SPATA13: variants seen among roughly 807,000 people sequenced by gnomAD.
SPATA13 encodes the protein spermatogenesis-associated protein 13.
Under a neutral mutation model 104.0 loss-of-function variants are expected in SPATA13, and 50 were observed. That is an observed-to-expected ratio of 0.48 (90% CI 0.38 to 0.61). SPATA13 has a LOEUF of 0.61. Ranked by LOEUF, SPATA13 falls within the 20% of genes least tolerant of loss-of-function variation. The pLI is 0.00. For synonymous variants in SPATA13, 606 were observed against 667.5 expected, an observed-to-expected ratio of 0.91 and a Z score of 1.42; for missense variants, 1,524 against 1,690.6, an observed-to-expected ratio of 0.90 and a Z score of 1.73.
intron 5 of SPATA13, 74 bp downstream of exon 5, chr13:24,284,345 G>T: frequency 1.4e-6 from 2 of 1,471,256 alleles, no homozygotes; most frequent in Non-Finnish European, 1.8e-6. Context: ...TTCTGACTTT[G>T]TTCCCTAGTT....
chr13:24,127,614 T>C (rs1274411005), intron 3 of SPATA13, among the ~76,000 whole-genome samples: 1 of 152,220 alleles, frequency 6.6e-6, no homozygotes, highest in East Asian at 1.9e-4. Context: ...GTTTAGAGCC[T>C]TCCAGCCCAT....
At chr13:24,159,028 C>A (rs1322462511), upstream of SPATA13, among the ~76,000 whole-genome samples, 1 of 152,142 alleles carries the variant, frequency 6.6e-6, no homozygotes, top group African/African-American at 2.4e-5. Context: ...GCAGAAATAA[C>A]CTTTTGAAAC....
At chr13:24,181,289 T>C (rs1170055858) in intron 1 of SPATA13, among the ~76,000 whole-genome samples, 1 of 152,126 alleles carries the variant, frequency 6.6e-6, no homozygotes, top group Non-Finnish European at 1.5e-5. Flanking sequence ...AAGCAAGCAC[T>C]CTAAATTTAT....
intron 1 of SPATA13, among the ~76,000 whole-genome samples, chr13:24,188,879 A>C (rs1198458345): frequency 6.6e-6 from 1 of 152,166 alleles, no homozygotes; most frequent in Non-Finnish European, 1.5e-5. Context: ...CTCATTTACC[A>C]TTCTGAAAAT....
At chr13:24,293,582 G>C (rs1025112172) in intron 9 of SPATA13, among the ~76,000 whole-genome samples, 1 of 152,072 alleles carries the variant, frequency 6.6e-6, no homozygotes, top group Admixed American at 6.5e-5. Flanking sequence ...CCATTTCCTT[G>C]TCTTAAGTAA....
In SPATA13 at chr13:24,297,367, T is replaced by C. The variant is rs142231073; in HGVS notation, c.3215T>C (p.Leu1072Pro). ...WQVSIVGWEGLDILDRSSELI... is the reference protein window; with the variant it reads ...WQVSIVGWEGPDILDRSSELI... ...GATGTGTTTTCATCCTTCCAGGGAC[T>C]GGATATCTTAGACCGAAGCTCAGAA... Residue 1072 changes from leucine to proline, a missense_variant, in exon 11 of 13, where the codon CTG becomes CCG. Coordinates refer to ENST00000382108, the MANE Select transcript of SPATA13 (RefSeq NM_001166271.3). 5.7e-4 allele frequency: 912 copies of C among 1,606,592 alleles called. 1 individual carries two copies. Among genetic ancestry groups the C allele is most frequent in the Non-Finnish European group, 7.2e-4 (846 of 1,175,458 alleles).
chr13:24,139,795 C>T lies in SPATA13; in HGVS notation c.-111-83024C>T, dbSNP rs201633780. On this transcript the variant is annotated intron_variant, in intron 3 of 14. Coordinates refer to the SPATA13 transcript ENST00000424834. Reference sequence around the variant, plus strand: ...AAATCTGTAACATGCAGGCCGGGCGCGGTGGCTCACGTCTGTAATCCCAGC... The same window carrying T: ...AAATCTGTAACATGCAGGCCGGGCGTGGTGGCTCACGTCTGTAATCCCAGC... 6.0e-4 allele frequency among the ~76,000 whole-genome samples: 92 copies of T among 152,248 alleles called. 4 individuals are homozygous for T. Among genetic ancestry groups the T allele is most frequent in the Admixed American group, 3.1e-3 (48 of 15,284 alleles).
intron 4 of SPATA13, among the ~76,000 whole-genome samples, chr13:24,263,217 T>C (rs1874142696): frequency 6.6e-6 from 1 of 152,200 alleles, no homozygotes; most frequent in African/African-American, 2.4e-5. Context: ...CTCAAATCGA[T>C]TTTCAAATAT....
At chr13:24,042,167 T>G (rs9551044) in intron 3 of SPATA13, among the ~76,000 whole-genome samples, 144,559 of 152,112 alleles carry the variant, frequency 0.95, 69,005 homozygotes, top group Non-Finnish European at 1. Flanking sequence ...GACCACCTAG[T>G]GTGGGTTGTG....
At chr13:24,033,758 G>A (rs1045346183) in intron 3 of SPATA13, 5 of 152,200 alleles carry the variant, frequency 3.3e-5, no homozygotes, top group East Asian at 1.9e-4. Flanking sequence ...GTGTCCCTCC[G>A]TCATGTGACA....
rs77936980 is a variant in SPATA13, at chr13:24,235,330, C to T, written c.1653+10748C>T. 6.6e-3 allele frequency among the ~76,000 whole-genome samples: 1,010 copies of T among 152,308 alleles called. 5 individuals are homozygous for T. Among genetic ancestry groups the T allele is most frequent in the Middle Eastern group, 0.017 (5 of 294 alleles). On this transcript the variant is annotated intron_variant, in intron 2 of 12. Transcript: ENST00000382108. ...TTTTGTCAATGCAAACTTTGAGATT[C>T]GCTGTCCAGGCTGAGGCTCCTCTAG...
intron 3 of SPATA13, among the ~76,000 whole-genome samples, chr13:24,141,435 C>G (rs1184119372): frequency 6.6e-6 from 1 of 152,142 alleles, no homozygotes; most frequent in Non-Finnish European, 1.5e-5. Flanking sequence ...CTGCCTTTTC[C>G]TGCTTCCCTC....
intron 1 of SPATA13, among the ~76,000 whole-genome samples, chr13:24,175,485 G>A (rs2138513830): frequency 6.6e-6 from 1 of 152,266 alleles, no homozygotes; most frequent in South Asian, 2.1e-4. Flanking sequence ...AAACTCTGAA[G>A]AAAACCCAGC....
rs767022049 is a variant in SPATA13, at chr13:24,251,795, A to G, written c.2097A>G (p.Thr699=). ...KAVSARFRPF[T]FSQSTPIGLD... ...TGTCGGCCCGGTTCCGGCCCTTCAC[A>G]TTCTCCCAGAGCACCCCCATTGGGT... Residue 699 remains threonine, a synonymous_variant, in exon 4 of 13, where the codon ACA becomes ACG. Transcript: ENST00000382108. The G allele has an allele frequency of 6.2e-6, 10 of 1,613,828 alleles. No homozygotes were observed. Among genetic ancestry groups the G allele is most frequent in the Middle Eastern group, 1.6e-4 (1 of 6,084 alleles).
chr13:24,030,527 C>T (rs2137714948), intron 3 of SPATA13, among the ~76,000 whole-genome samples: 1 of 152,218 alleles, frequency 6.6e-6, no homozygotes, highest in South Asian at 2.1e-4. Context: ...TAATCTCCTG[C>T]CCACCCATGT....
At chr13:24,141,572 T>C (rs986890761) in intron 3 of SPATA13, among the ~76,000 whole-genome samples, 7 of 152,162 alleles carry the variant, frequency 4.6e-5, no homozygotes, top group African/African-American at 1.7e-4. Context: ...TTATAGAGCT[T>C]ATCCAGATAA....
At chr13:24,068,325 C>T (rs1001181617) in intron 3 of SPATA13, among the ~76,000 whole-genome samples, 1 of 152,086 alleles carries the variant, frequency 6.6e-6, no homozygotes, top group African/African-American at 2.4e-5. Flanking sequence ...TGATCTTGTT[C>T]TTTTTTGTGG....
chr13:24,062,240 G>A (rs1277871501), intron 3 of SPATA13, among the ~76,000 whole-genome samples: 1 of 152,230 alleles, frequency 6.6e-6, no homozygotes, highest in Non-Finnish European at 1.5e-5. Context: ...GGGCTTCTTA[G>A]CCCCATGTTA....
intron 3 of SPATA13, among the ~76,000 whole-genome samples, chr13:24,035,541 T>C (rs1877646036): frequency 6.6e-6 from 1 of 152,216 alleles, no homozygotes; most frequent in Non-Finnish European, 1.5e-5. Context: ...CAAGGACAGG[T>C]TGGTTTTCTG....
Sources: gnomAD v4.1 joint callset for allele counts (sites outside exome capture counted in the v4.1 genomes callset) on GRCh38, gnomAD v4.1.1 for gene constraint, MANE v1.5 for transcripts, NCBI Gene and HGNC (gene_info 2026-07-23, HGNC 2026-07-21) for gene names.